Variants in PLEC observed in about 807,000 individuals in gnomAD.
The protein encoded by PLEC is hemidesmosomal protein 1.
A neutral mutation model predicts 392.8 loss-of-function variants in PLEC; 216 were observed. The ratio of observed to expected loss-of-function variants is 0.55; its 90% CI spans 0.49 to 0.62. PLEC has a LOEUF of 0.62. Ranked by LOEUF, PLEC falls within the 20% of genes least tolerant of loss-of-function variation. The pLI is 0.00. For missense variants in PLEC, 6,863 were observed against 6,563.4 expected (o/e 1.05, Z -1.58); for synonymous variants, 3,621 against 2,980.6 (o/e 1.21, Z -7.00).
At chr8:143,974,874 A>G (rs1338523698), upstream of PLEC, among the ~76,000 whole-genome samples, 14 of 152,334 alleles carry the variant, frequency 9.2e-5, no homozygotes, top group Admixed American at 8.5e-4. This position sits in a 1 kb window ranked among gnomAD's most constrained non-coding sequence, Gnocchi z 5.9. Context: ...GGCAGCCAAG[A>G]CCGAGGGCCT....
In PLEC at chr8:143,925,665, G is replaced by C. The variant is rs373445173; in HGVS notation, c.4264C>G (p.Leu1422Val). Reference sequence around the variant, plus strand: ...TCCGAGCTCTGCCGCAGCTGCTGCAGCTCCTCCTGAATGCTGCGCTTCTGC... The same window carrying C: ...TCCGAGCTCTGCCGCAGCTGCTGCACCTCCTCCTGAATGCTGCGCTTCTGC... ...QQQKRSIQEE[L>V]QQLRQSSEAE... Residue 1422 changes from leucine (L) to valine (V), a missense_variant, in exon 31 of 32, where the codon CTG becomes GTG. Leu to Val is a conservative substitution (Grantham distance 32, BLOSUM62 1). Coordinates refer to ENST00000345136, the MANE Select transcript of PLEC (RefSeq NM_201384.3). 7 of 1,589,424 alleles carry C rather than the reference G, an allele frequency of 4.4e-6. No individual in the cohort carries two copies. Among genetic ancestry groups the C allele is most frequent in the Non-Finnish European group, 6.0e-6 (7 of 1,175,198 alleles).
chr8:143,923,226 C>A lies in PLEC; in HGVS notation c.6703G>T (p.Val2235Leu), dbSNP rs782255133. Residue 2235 changes from valine to leucine, a missense_variant, in exon 31 of 32, where the codon GTG becomes TTG. Coordinates refer to ENST00000345136, the MANE Select transcript of PLEC (RefSeq NM_201384.3). ...QVEEELFSVR[V>L]QMEELSKLKA... The stretch of plus-strand genomic sequence containing the variant: ...AGCTTGCTCAGCTCCTCCATCTGCA[C>A]GCGCACCGAGAAGAGCTCCTCCTCC... The A allele has an allele frequency of 4.1e-5, 65 of 1,603,458 alleles. 2 individuals are homozygous for A. In the South Asian group the frequency reaches 7.1e-4, roughly 18 times the overall value.
In PLEC at chr8:143,933,300, C is replaced by T; in HGVS notation, c.1315G>A (p.Glu439Lys). 6.2e-7 allele frequency: 1 copy of T among 1,613,054 alleles called. No homozygotes were observed. The highest frequency in any genetic ancestry group is 8.5e-7 in the Non-Finnish European group (1 of 1,179,982). ...GKVPQRAGEV[E>K]RDLDKADSMI... is the part of the protein sequence containing the mutation. ...CTATCCGCCTTGTCCAAGTCCCGTT[C>T]CACCTCCCCCGCCCGCTGTGGCACT... is the stretch of plus-strand genomic sequence containing the variant. Residue 439 changes from glutamate to lysine, a missense_variant, in exon 13 of 32, where the codon GAA becomes AAA. Physicochemically the swap from Glu to Lys is moderately conservative, Grantham distance 56. Coordinates refer to ENST00000345136, the MANE Select transcript of PLEC (RefSeq NM_201384.3).
chr8:143,937,035 C>T lies in PLEC; in HGVS notation c.379G>A (p.Asp127Asn). The change falls in exon 5 of 32, where the codon GAC becomes AAC. Residue 127 changes from aspartate (D) to asparagine (N), a missense_variant. Transcript: ENST00000345136. ...LVNIRNDDIA[D>N]GNPKLTLGLI... ...CCAAGGGTCAGCTTGGGGTTGCCGT[C>T]AGCGATGTCATCATTCCTGATGTTC... is the stretch of plus-strand genomic sequence containing the variant. 2 of 1,613,172 alleles carry T rather than the reference C, an allele frequency of 1.2e-6. No homozygotes were observed. Among genetic ancestry groups the T allele is most frequent in the Non-Finnish European group, 1.7e-6 (2 of 1,179,836 alleles).
chr8:143,969,713 G>A lies in PLEC; in HGVS notation c.70+3690C>T, dbSNP rs143003351. On this transcript the variant is annotated intron_variant, in intron 1 of 31. Transcript: ENST00000356346. This position sits in a 1 kb window ranked among gnomAD's most constrained non-coding sequence, Gnocchi z 5.1. ...GGGGGTCAGGGCATGAGTGCAGGCC[G>A]GGGAGTGGGGAGTGGGGCCAGCCGG... Among the ~76,000 whole-genome samples, 979 of 152,182 alleles carry A rather than the reference G, an allele frequency of 6.4e-3. 4 individuals carry two copies. Among genetic ancestry groups the A allele is most frequent in the African/African-American group, 0.022 (928 of 41,522 alleles).
Position 143,931,623 on chromosome 8 carries a change from G to C in PLEC, c.2215C>G (p.Gln739Glu). The C allele has an allele frequency of 6.2e-7, 1 of 1,601,410 alleles. No individual in the cohort carries two copies. Among genetic ancestry groups the C allele is most frequent in the Non-Finnish European group, 8.5e-7 (1 of 1,174,630 alleles). ...CTACGCAGTGCCTCCTGCAGCTTCTGCAACTGCCCCTCGGCCTCCCGCACA... is the reference window on the plus strand; with the variant it reads ...CTACGCAGTGCCTCCTGCAGCTTCTCCAACTGCCCCTCGGCCTCCCGCACA... ...SDVREAEGQL[Q>E]KLQEALRRKY... The change falls in exon 19 of 32, where the codon CAG becomes GAG. Residue 739 changes from glutamine (Q) to glutamate (E), a missense_variant. Gln to Glu is a conservative substitution (Grantham distance 29). Transcript: ENST00000345136.
In PLEC at chr8:143,927,004, C is replaced by G. The variant is rs375223477; in HGVS notation, c.3918G>C (p.Gln1306His). 1.2e-6 allele frequency: 2 copies of G among 1,613,216 alleles called. No individual in the cohort carries two copies. Among genetic ancestry groups the G allele is most frequent in the Non-Finnish European group, 1.7e-6 (2 of 1,179,988 alleles). The change falls in exon 29 of 32, where the codon CAG (glutamine) becomes CAC (histidine). Residue 1306 changes from glutamine (Q) to histidine (H), a missense_variant. Transcript: ENST00000345136. Reference sequence around the variant, plus strand: ...CCTGGATGACACTCTCTGATCCCGACTGGACCTTGGGCTTCTTGGCCGGGG... The same window carrying G: ...CCTGGATGACACTCTCTGATCCCGAGTGGACCTTGGGCTTCTTGGCCGGGG... Reference protein sequence around the residue: ...VASPAKKPKVQSGSESVIQEY... With the variant: ...VASPAKKPKVHSGSESVIQEY...
At position 143,920,046 on chromosome 8, in the gene PLEC, A is replaced by T. The variant is rs376675163; in HGVS notation, c.9775T>A (p.Ser3259Thr). Residue 3259 changes from serine (S) to threonine (T), a missense_variant, in exon 32 of 32, where the codon TCT (serine) becomes ACT (threonine). By Grantham distance (58) the Ser-to-Thr change is moderately conservative. Transcript: ENST00000345136. ...RTVTVWELIS[S>T]EYFTAEQRQE... ...CGCTGCTCCGCAGTGAAGTACTCAG[A>T]GCTGATGAGCTCCCACACCGTCACC... 6.2e-7 allele frequency: 1 copy of T among 1,613,290 alleles called. No homozygotes were observed. The highest frequency in any genetic ancestry group is 8.5e-7 in the Non-Finnish European group (1 of 1,180,010).
At chr8:143,952,178 CCAAACACA>C (rs1351341767), upstream of PLEC, among the ~76,000 whole-genome samples, 1 of 101,344 alleles carries the variant, frequency 9.9e-6, no homozygotes, top group Non-Finnish European at 2.2e-5. Context: ...GGTGCAGGCT[CCAAACACA>C]CACACACACA....
rs1554687079 is a variant in PLEC, at chr8:143,921,777, G to A, written c.8044C>T (p.Leu2682Phe). 1 of 1,611,554 alleles carries A rather than the reference G, an allele frequency of 6.2e-7. No individual in the cohort carries two copies. The highest frequency in any genetic ancestry group is 8.5e-7 in the Non-Finnish European group (1 of 1,179,816). ...TGGCGCACGTCTTCCCGCCGTGCGAGCTCGTCCACCGTGGTGTGGCCCTGC... is the reference window on the plus strand; with the variant it reads ...TGGCGCACGTCTTCCCGCCGTGCGAACTCGTCCACCGTGGTGTGGCCCTGC... ...LAQGHTTVDE[L>F]ARREDVRHYL... Residue 2682 changes from leucine to phenylalanine, a missense_variant, in exon 32 of 32, where the codon CTC (leucine) becomes TTC (phenylalanine). Transcript: ENST00000345136.
chr8:143,959,147 C>T (rs1346127157), intron 1 of PLEC, among the ~76,000 whole-genome samples: 2 of 152,208 alleles, frequency 1.3e-5, no homozygotes, highest in Non-Finnish European at 2.9e-5. Context: ...GCGGACGGTG[C>T]AGGCGCAGCT....
In PLEC at chr8:143,924,739, C is replaced by G. The variant is rs1564047528; in HGVS notation, c.5190G>C (p.Gln1730His). 3.9e-6 allele frequency: 6 copies of G among 1,534,920 alleles called. No homozygotes were observed. The highest frequency in any genetic ancestry group is 5.2e-6 in the Non-Finnish European group (6 of 1,146,224). ...AETEQGEQQR[Q>H]LLEEELARLQ... is the part of the protein sequence containing the mutation. The stretch of plus-strand genomic sequence containing the variant: ...GCCGGGCCAGCTCCTCCTCCAGCAG[C>G]TGCCGCTGCTGCTCCCCCTGCTCCG... The change falls in exon 31 of 32, where the codon CAG becomes CAC. Residue 1730 changes from glutamine (Q) to histidine (H), a missense_variant. Coordinates refer to ENST00000345136, the MANE Select transcript of PLEC (RefSeq NM_201384.3).
At position 143,927,216 on chromosome 8, in the gene PLEC, C is replaced by T. The variant is rs375394755; in HGVS notation, c.3840+36G>A. The T allele has an allele frequency of 3.7e-5, 59 of 1,603,348 alleles. No homozygotes were observed. The South Asian group carries it at 4.4e-4, about 12-fold the overall frequency. On this transcript the variant is annotated intron_variant, in intron 28 of 31. Transcript: ENST00000345136. The stretch of plus-strand genomic sequence containing the variant: ...CCCGCCATCATCCTGGCAACGGTCC[C>T]GGACTTGGGGCCTGGTGCAGGCGGC...
chr8:143,921,575 G>C lies in PLEC; in HGVS notation c.8246C>G (p.Thr2749Ser), dbSNP rs782224439. The C allele has an allele frequency of 6.2e-7, 1 of 1,612,276 alleles. No individual in the cohort carries two copies. Among genetic ancestry groups the C allele is most frequent in the African/African-American group, 1.3e-5 (1 of 74,912 alleles). ...ACCCTCCTTCACAGCCTCGTTGACG[G>C]TCAGCCGCCGGTTCCGCACAGGGTC... ...LLDPVRNRRL[T>S]VNEAVKEGVV... The change falls in exon 32 of 32, where the codon ACC becomes AGC. Residue 2749 changes from threonine (T) to serine (S), a missense_variant. By Grantham distance (58) the Thr-to-Ser change is moderately conservative. Coordinates refer to ENST00000345136, the MANE Select transcript of PLEC (RefSeq NM_201384.3).
chr8:143,955,429 C>A (rs111625088), upstream of PLEC, among the ~76,000 whole-genome samples: 1 of 152,104 alleles, frequency 6.6e-6, no homozygotes, highest in South Asian at 2.1e-4. Context: ...TGCAGTGAGC[C>A]GAGATCGCGC....
chr8:143,937,516 G>T, intron 3 of PLEC: 1 of 561,130 alleles, frequency 1.8e-6, no homozygotes, highest in East Asian at 3.0e-5. Context: ...CGTGTGGAGG[G>T]CAGTGGCACT....
chr8:143,936,134 CA>C, intron 5 of PLEC, 120 bp from the exon 6 acceptor site: 2 of 1,142,712 alleles, frequency 1.8e-6, no homozygotes, highest in Non-Finnish European at 1.3e-6. Context: ...ATGGGGCCAC[CA>C]AACCAGCCAG....
intron 1 of PLEC, among the ~76,000 whole-genome samples, chr8:143,961,854 A>T (rs1484031438): frequency 1.2e-4 from 19 of 152,166 alleles, no homozygotes; most frequent in African/African-American, 4.6e-4. Context: ...TTTTTGAGAC[A>T]GGGTCTTGCT....
In PLEC at chr8:143,922,575, T is replaced by C. The variant is rs1406684312; in HGVS notation, c.7354A>G (p.Ile2452Val). Residue 2452 changes from isoleucine (I) to valine (V), a missense_variant, in exon 31 of 32, where the codon ATC becomes GTC. Transcript: ENST00000345136. ...DHDAERLREA[I>V]AELEREKEKL... ...TCCTTCTCACGCTCCAGCTCAGCGA[T>C]GGCCTCCCGCAGGCGCTCGGCATCA... is the stretch of plus-strand genomic sequence containing the variant. The C allele has an allele frequency of 1.2e-6, 2 of 1,613,552 alleles. No individual in the cohort carries two copies. Among genetic ancestry groups the C allele is most frequent in the East Asian group, 2.2e-5 (1 of 44,882 alleles).
Sources: allele counts gnomAD v4.1 joint callset (sites outside exome capture counted in the v4.1 genomes callset), GRCh38; gene constraint gnomAD v4.1.1; non-coding constraint Gnocchi (gnomAD v3.1); transcripts MANE v1.5; gene names NCBI Gene and HGNC (gene_info 2026-07-23, HGNC 2026-07-21).